The following ZNF280C variants were observed in gnomAD, a reference collection of about 807,000 sequenced individuals.
The protein encoded by ZNF280C is zinc finger protein 280C, also known as suppressor of hairy wing homolog 3.
A neutral mutation model predicts 53.6 loss-of-function variants in ZNF280C; 14 were observed. The observed-to-expected ratio is 0.26, with a 90% CI of 0.17 to 0.41. The LOEUF (loss-of-function observed/expected upper bound fraction) is 0.41. Ranked by LOEUF, ZNF280C falls within the 10% of genes least tolerant of loss-of-function variation. The pLI is 1.00. For missense variants in ZNF280C, 416 were observed against 547.1 expected (o/e 0.76, Z 2.39); for synonymous variants, 203 against 181.1 (o/e 1.12, Z -0.97).
intron 3 of ZNF280C, among the ~76,000 whole-genome samples, chrX:130,244,777 TAAA>T (rs58124928): frequency 1.5e-5 from 1 of 65,453 alleles, no homozygotes; most frequent in Non-Finnish European, 2.7e-5. Flanking sequence ...GACTCCATCT[TAAA>T]AAAAAAAAAA....
chrX:130,251,398 G>A (rs981265427), intron 2 of ZNF280C, among the ~76,000 whole-genome samples: 1 of 108,809 alleles, frequency 9.2e-6, no homozygotes, highest in Non-Finnish European at 1.9e-5. Flanking sequence ...GGAGGACAAT[G>A]CAGGATGCAG....
At chrX:130,241,595 T>C (rs1424165995) in intron 5 of ZNF280C, among the ~76,000 whole-genome samples, 1 of 110,744 alleles carries the variant, frequency 9.0e-6, no homozygotes, top group Non-Finnish European at 1.9e-5. Context: ...GCCCCATCTC[T>C]AAAAAAAATT....
chrX:130,245,076 C>T lies in ZNF280C; in HGVS notation c.179-1211G>A, dbSNP rs895840705. On this transcript the variant is annotated intron_variant, in intron 3 of 18. Coordinates refer to ENST00000370978, the MANE Select transcript of ZNF280C (RefSeq NM_017666.5). ...TCCTTCCCCTGCCTTCATTGTTTTTCTATATAAACATTTAGATGAGATCCC... is the reference window on the plus strand; with the variant it reads ...TCCTTCCCCTGCCTTCATTGTTTTTTTATATAAACATTTAGATGAGATCCC... Among the ~76,000 whole-genome samples, 5 of 111,480 alleles carry T rather than the reference C, an allele frequency of 4.5e-5. No individual in the cohort carries two copies. The Admixed American group carries it at 4.8e-4, about 11-fold the overall frequency.
intron 15 of ZNF280C, among the ~76,000 whole-genome samples, chrX:130,212,890 A>G (rs1004363677): frequency 1.8e-5 from 2 of 111,958 alleles, no homozygotes; most frequent in Admixed American, 1.9e-4. Flanking sequence ...ACTTAAAAAA[A>G]GTGGGACATG....
intron 9 of ZNF280C, 68 bp downstream of exon 9, chrX:130,230,441 TA>T: frequency 1.4e-6 from 1 of 706,725 alleles, no homozygotes; most frequent in Non-Finnish European, 2.1e-6. Context: ...CAGAGCAATG[TA>T]AAGATACTAT....
chrX:130,239,551 A>G (rs769700633), intron 6 of ZNF280C, 31 bp downstream of exon 6: 1 of 908,107 alleles, frequency 1.1e-6, no homozygotes, highest in African/African-American at 2.0e-5. Context: ...GTCTCTTTTT[A>G]TAATTTTTAT....
chrX:130,261,347 T>A (rs944277510), intron 1 of ZNF280C, among the ~76,000 whole-genome samples: 5 of 112,412 alleles, frequency 4.4e-5, no homozygotes, highest in Middle Eastern at 4.2e-3. Context: ...TAAAATACTA[T>A]TTAAGTTATA....
In ZNF280C at chrX:130,227,677, T is replaced by C; in HGVS notation, c.1248+5A>G. The C allele has an allele frequency of 8.7e-7, 1 of 1,147,691 alleles. No individual in the cohort carries two copies. Among genetic ancestry groups the C allele is most frequent in the South Asian group, 1.8e-5 (1 of 55,471 alleles). The allele number at this position is 1,147,691 out of a possible 1,213,427, so 94.6% of individuals were successfully genotyped here. On this transcript the variant is annotated splice_donor_5th_base_variant and intron_variant, in intron 11 of 18. Transcript: ENST00000370978. ...ACTTAACTACACAATAAAATGTGTGTGTACCTGGCAAACATATGGCATTTC... is the reference window on the plus strand; with the variant it reads ...ACTTAACTACACAATAAAATGTGTGCGTACCTGGCAAACATATGGCATTTC...
intron 5 of ZNF280C, among the ~76,000 whole-genome samples, chrX:130,243,177 T>G (rs1001138681): frequency 9.0e-6 from 1 of 111,499 alleles, no homozygotes; most frequent in African/African-American, 3.3e-5. Flanking sequence ...TGGGTTTGTT[T>G]GTGTTGGCTT....
In ZNF280C at chrX:130,251,282, C is replaced by CAAAAAAAAA. The variant is rs61571389; in HGVS notation, c.32-4286_32-4278dup. On this transcript the variant is annotated intron_variant, in intron 2 of 18. Coordinates refer to ENST00000370978, the MANE Select transcript of ZNF280C (RefSeq NM_017666.5). Reference sequence around the variant, plus strand: ...AGGCAAACGCAGTAAGGACCTGTCTCAAAAAAAAAAAAAAAAAAAAAAAAA... The same window carrying CAAAAAAAAA: ...AGGCAAACGCAGTAAGGACCTGTCTCAAAAAAAAAAAAAAAAAAAAAAAAAAAAAAAAAA... 7.4e-3 allele frequency among the ~76,000 whole-genome samples: 114 copies of CAAAAAAAAA among 15,339 alleles called. 20 individuals are homozygous for CAAAAAAAAA. The highest frequency in any genetic ancestry group is 0.01 in the South Asian group (2 of 191). 13.3% of individuals were successfully genotyped at this position (15,339 alleles called of 115,157 possible).
intron 5 of ZNF280C, among the ~76,000 whole-genome samples, chrX:130,242,644 A>G (rs1023426376): frequency 9.0e-6 from 1 of 111,722 alleles, no homozygotes; most frequent in Non-Finnish European, 1.9e-5. Context: ...GGTTTAAGCA[A>G]TTCTCCTGCC....
rs780470036 is a variant in ZNF280C at position 130,220,532 on chromosome X, G to A, written c.1396-52C>T. On this transcript the variant is annotated intron_variant, in intron 12 of 18. Transcript: ENST00000370978. Reference sequence around the variant, plus strand: ...TAACTTCCACCACCACAAATCCTAGGAGCTGAAATTGCTCTTAATTCTAAA... The same window carrying A: ...TAACTTCCACCACCACAAATCCTAGAAGCTGAAATTGCTCTTAATTCTAAA... 2.8e-6 allele frequency: 3 copies of A among 1,082,111 alleles called. No individual in the cohort carries two copies. The South Asian group carries it at 7.3e-5, about 26-fold the overall frequency. The allele number at this position is 1,082,111 out of a possible 1,213,427, so 89.2% of individuals were successfully genotyped here.
intron 1 of ZNF280C, among the ~76,000 whole-genome samples, chrX:130,264,043 A>AAAG (rs1556317826): frequency 9.7e-6 from 1 of 103,007 alleles, no homozygotes; most frequent in Non-Finnish European, 2.0e-5. Flanking sequence ...AAAAAAAAAG[A>AAAG]AAAGAAAGAA....
chrX:130,262,428 C>G (rs779505077), intron 1 of ZNF280C, among the ~76,000 whole-genome samples: 2 of 112,104 alleles, frequency 1.8e-5, no homozygotes, highest in Non-Finnish European at 3.8e-5. Context: ...TTAAAATAAA[C>G]AAATACATAC....
At chrX:130,217,197 C>T (rs953491533) in intron 13 of ZNF280C, among the ~76,000 whole-genome samples, 1 of 111,598 alleles carries the variant, frequency 9.0e-6, no homozygotes, top group African/African-American at 3.3e-5. Context: ...GGAAACAACC[C>T]ATATGCCCAC....
At chrX:130,227,653 C>T (rs2032233967) in intron 11 of ZNF280C, 29 bp downstream of exon 11, 28 of 1,013,168 alleles carry the variant, frequency 2.8e-5, no homozygotes, top group Non-Finnish European at 3.9e-5. Flanking sequence ...TAAACAAACA[C>T]TTAACTACAC....
In ZNF280C at chrX:130,254,397, C is replaced by T. The variant is rs1415611501; in HGVS notation, c.31+6022G>A. Among the ~76,000 whole-genome samples, 3 of 111,917 alleles carry T rather than the reference C, an allele frequency of 2.7e-5. No individual in the cohort carries two copies. The Admixed American group carries it at 2.8e-4, about 11-fold the overall frequency. ...AGAACTACCATTAGACCCAGCAATT[C>T]TATTACTAGGTATATACCCAAAGGA... On this transcript the variant is annotated intron_variant, in intron 2 of 18. Coordinates refer to ENST00000370978, the MANE Select transcript of ZNF280C (RefSeq NM_017666.5).
At chrX:130,262,710 G>A (rs1488153185) in intron 1 of ZNF280C, among the ~76,000 whole-genome samples, 1 of 111,620 alleles carries the variant, frequency 9.0e-6, no homozygotes, top group African/African-American at 3.3e-5. Flanking sequence ...TTCAGCTACC[G>A]ATTCAGGTGG....
intron 2 of ZNF280C, among the ~76,000 whole-genome samples, chrX:130,251,104 A>AAATAAT (rs201895158): frequency 1.9e-5 from 2 of 106,163 alleles, no homozygotes; most frequent in Admixed American, 1.0e-4. Flanking sequence ...CAAAAAAATA[A>AAATAAT]AATAATAATA....
Sources: gnomAD v4.1 joint callset for allele counts (sites outside exome capture counted in the v4.1 genomes callset) on GRCh38, gnomAD v4.1.1 for gene constraint, MANE v1.5 for transcripts, NCBI Gene and HGNC (gene_info 2026-07-23, HGNC 2026-07-21) for gene names.